The following FAT3 variants were observed in gnomAD, a reference collection of about 807,000 sequenced individuals.
FAT3 encodes the protein protocadherin Fat 3.
In FAT3, 95 loss-of-function variants were observed where a neutral mutation model predicts 310.2. The ratio of observed to expected loss-of-function variants is 0.31; its 90% CI spans 0.26 to 0.36. The LOEUF (loss-of-function observed/expected upper bound fraction) is 0.36. FAT3 is among the 10% of genes least tolerant of loss of function. FAT3 has a pLI of 1.00. For synonymous variants in FAT3, 2,314 were observed against 2,192.9 expected, an observed-to-expected ratio of 1.06 and a Z score of -1.54; for missense variants, 5,408 against 5,715.6, an observed-to-expected ratio of 0.95 and a Z score of 1.74.
intron 1 of FAT3, among the ~76,000 whole-genome samples, chr11:92,240,652 A>G (rs1405293621): frequency 6.6e-6 from 1 of 151,608 alleles, no homozygotes; most frequent in African/African-American, 2.4e-5. Context: ...AACAGCCTAT[A>G]CAGCCTAAGG....
chr11:92,860,204 T>C (rs1327586573), intron 21 of FAT3, among the ~76,000 whole-genome samples: 3 of 152,246 alleles, frequency 2.0e-5, no homozygotes, highest in Admixed American at 1.3e-4. Flanking sequence ...CATTTATTTT[T>C]ATTATACAGC....
intron 1 of FAT3, among the ~76,000 whole-genome samples, chr11:92,243,589 C>G (rs1864758566): frequency 6.6e-6 from 1 of 152,010 alleles, no homozygotes; most frequent in African/African-American, 2.4e-5. Flanking sequence ...ATTGTTCTAG[C>G]AATCTGCTTT....
intron 4 of FAT3, among the ~76,000 whole-genome samples, chr11:92,735,210 C>T (rs936859679): frequency 3.9e-5 from 6 of 152,098 alleles, no homozygotes; most frequent in Non-Finnish European, 1.5e-5. Context: ...TTGCTTGACA[C>T]TTTGGGAAGT....
At chr11:92,240,569 ACCCCCC>A (rs5793589) in intron 1 of FAT3, among the ~76,000 whole-genome samples, 7 of 141,072 alleles carry the variant, frequency 5.0e-5, no homozygotes, top group Non-Finnish European at 6.2e-5. Flanking sequence ...ACAAAATGAA[ACCCCCC>A]CAAAAAAAAA....
chr11:92,674,665 G>A (rs1020485915), intron 3 of FAT3, among the ~76,000 whole-genome samples: 2 of 152,010 alleles, frequency 1.3e-5, no homozygotes, highest in Non-Finnish European at 2.9e-5. Context: ...TAGGACTACA[G>A]GCATGCTCCA....
At chr11:92,446,294 C>T (rs1757893351) in intron 2 of FAT3, among the ~76,000 whole-genome samples, 1 of 152,156 alleles carries the variant, frequency 6.6e-6, no homozygotes, top group Non-Finnish European at 1.5e-5. Flanking sequence ...TTACTATTCC[C>T]ATTTTACAGG....
At chr11:92,290,434 A>G (rs368071744) in intron 1 of FAT3, among the ~76,000 whole-genome samples, 1 of 152,102 alleles carries the variant, frequency 6.6e-6, no homozygotes, top group Non-Finnish European at 1.5e-5. Flanking sequence ...TTTCATGGCC[A>G]AAAGGTTCTG....
chr11:92,402,784 G>A lies in FAT3; in HGVS notation c.3292+47380G>A, dbSNP rs1375273164. 2.1e-5 allele frequency among the ~76,000 whole-genome samples: 3 copies of A among 146,214 alleles called. No homozygotes were observed. In the Admixed American group the frequency reaches 2.1e-4, roughly 10 times the overall value. On this transcript the variant is annotated intron_variant, in intron 2 of 27. Transcript: ENST00000525166. ...AAAGAACTTTCCAACATTAATAATA[G>A]ACACAAAACCATAAGTCCAAGAAGC...
chr11:92,623,940 C>G (rs917639263), intron 3 of FAT3, among the ~76,000 whole-genome samples: 9 of 151,504 alleles, frequency 5.9e-5, no homozygotes, highest in African/African-American at 2.2e-4. Context: ...GAGACTCTGC[C>G]TCAAAGAAAA....
In FAT3 at chr11:92,798,124, A is replaced by G. The variant is rs751453932; in HGVS notation, c.5111A>G (p.Glu1704Gly). 3 of 1,613,974 alleles carry G rather than the reference A, an allele frequency of 1.9e-6. No individual in the cohort carries two copies. The South Asian group carries it at 3.3e-5, about 18-fold the overall frequency. Residue 1704 changes from glutamate (E) to glycine (G), a missense_variant, in exon 10 of 28, where the codon GAA (glutamate) becomes GGA (glycine). Physicochemically the swap from Glu to Gly is moderately conservative, Grantham distance 98. Transcript: ENST00000525166. ...ATCAGTCAATCTACCCTCATTTATGAAGTCAAAGATGGAGACATTAATGGG... is the reference window on the plus strand; with the variant it reads ...ATCAGTCAATCTACCCTCATTTATGGAGTCAAAGATGGAGACATTAATGGG... ...SAISQSTLIY[E>G]VKDGDINGIF...
intron 2 of FAT3, among the ~76,000 whole-genome samples, chr11:92,481,028 A>T (rs1381003577): frequency 6.6e-6 from 1 of 152,226 alleles, no homozygotes; most frequent in Non-Finnish European, 1.5e-5. Context: ...CTCCAAAAAG[A>T]TGATTAAGAG....
intron 3 of FAT3, among the ~76,000 whole-genome samples, chr11:92,638,703 G>A (rs1004521261): frequency 9.9e-5 from 15 of 152,130 alleles, no homozygotes; most frequent in Admixed American, 5.2e-4. Context: ...AAGACATTCC[G>A]ATGTAAATTT....
chr11:92,869,302 G>A (rs185710029), intron 22 of FAT3, among the ~76,000 whole-genome samples: 4 of 152,352 alleles, frequency 2.6e-5, no homozygotes, highest in Admixed American at 2.6e-4. Context: ...TAGCCAATGG[G>A]TTCTTATCTC....
intron 2 of FAT3, among the ~76,000 whole-genome samples, chr11:92,390,502 C>T (rs184027005): frequency 6.6e-6 from 1 of 152,256 alleles, no homozygotes; most frequent in Admixed American, 6.5e-5. Flanking sequence ...CATCACTTAC[C>T]ATGCCTTCCG....
At position 92,281,553 on chromosome 11, in the gene FAT3, C is replaced by T. The variant is rs1946422266; in HGVS notation, c.-18+56379C>T. Among the ~76,000 whole-genome samples, 3 of 152,156 alleles carry T rather than the reference C, an allele frequency of 2.0e-5. No individual in the cohort carries two copies. In the South Asian group the frequency reaches 6.2e-4, roughly 31 times the overall value. ...TGCACCTGTGGCACTGAATGCCAATCACTGACTCATTCATCTCTCCCTGGT... is the reference window on the plus strand; with the variant it reads ...TGCACCTGTGGCACTGAATGCCAATTACTGACTCATTCATCTCTCCCTGGT... On this transcript the variant is annotated intron_variant, in intron 1 of 27. Coordinates refer to ENST00000525166, the MANE Select transcript of FAT3 (RefSeq NM_001367949.2).
At chr11:92,471,915 C>CTATATATATATATA (rs140886151) in intron 2 of FAT3, among the ~76,000 whole-genome samples, 40 of 124,930 alleles carry the variant, frequency 3.2e-4, no homozygotes, top group Non-Finnish European at 4.6e-4. Context: ...TTTTCATATG[C>CTATATATATATATA]TATATATATA....
At chr11:92,422,721 G>A (rs1278457046) in intron 2 of FAT3, among the ~76,000 whole-genome samples, 1 of 152,292 alleles carries the variant, frequency 6.6e-6, no homozygotes, top group East Asian at 1.9e-4. Context: ...CTGAAGGTGG[G>A]ATGTAGAGCC....
intron 2 of FAT3, among the ~76,000 whole-genome samples, chr11:92,451,045 TC>T (rs1265905755): frequency 6.6e-6 from 1 of 152,138 alleles, no homozygotes; most frequent in Non-Finnish European, 1.5e-5. Context: ...TCTTTTTTTT[TC>T]CCCTCTTTTC....
intron 1 of FAT3, among the ~76,000 whole-genome samples, chr11:92,277,664 C>T (rs7930958): frequency 1.4e-3 from 206 of 151,868 alleles, no homozygotes; most frequent in African/African-American, 4.4e-3. Flanking sequence ...CATACATGGG[C>T]GTAAAGATGG....
Sources: allele counts gnomAD v4.1 joint callset (sites outside exome capture counted in the v4.1 genomes callset), GRCh38; gene constraint gnomAD v4.1.1; transcripts MANE v1.5; gene names NCBI Gene and HGNC (gene_info 2026-07-23, HGNC 2026-07-21).